Variants in FAM117B observed in about 807,000 individuals in gnomAD.
FAM117B encodes the protein family with sequence similarity 117 member B.
A neutral mutation model predicts 52.8 loss-of-function variants in FAM117B; 22 were observed. The ratio of observed to expected loss-of-function variants is 0.42; its 90% CI spans 0.30 to 0.59. The LOEUF (loss-of-function observed/expected upper bound fraction) is 0.59. Among genes scored for constraint, FAM117B ranks in the 20% least tolerant of loss-of-function variants. The pLI is 0.22. For synonymous variants in FAM117B, 309 were observed against 324.1 expected, an observed-to-expected ratio of 0.95 and a Z score of 0.50; for missense variants, 678 against 802.6, an observed-to-expected ratio of 0.84 and a Z score of 1.88.
chr2:202,673,330 C>T (rs1690325926), intron 1 of FAM117B, among the ~76,000 whole-genome samples: 1 of 150,878 alleles, frequency 6.6e-6, no homozygotes, highest in Non-Finnish European at 1.5e-5. Context: ...ATCCTTAATT[C>T]ACCATTAAGT....
chr2:202,713,593 C>T (rs75351497), intron 2 of FAM117B, among the ~76,000 whole-genome samples: 1 of 152,016 alleles, frequency 6.6e-6, no homozygotes, highest in Non-Finnish European at 1.5e-5. Flanking sequence ...CTTTAAGATG[C>T]ATTATTAGGT....
intron 7 of FAM117B, among the ~76,000 whole-genome samples, chr2:202,760,605 A>G (rs985414122): frequency 2.0e-5 from 3 of 151,960 alleles, no homozygotes; most frequent in Admixed American, 6.6e-5. Flanking sequence ...CAGTTTTTCT[A>G]GTGTAGAAGC....
rs1692038318 is a variant in FAM117B, at chr2:202,769,497, A to G, written c.*3733A>G. ...TTGAAGATGAGCAGAGCAGCCCTGA[A>G]CAGCATTTTGTTTATACAGTCTTGT... On this transcript the variant is annotated 3_prime_UTR_variant, in exon 8 of 8. Transcript: ENST00000392238. 1.3e-5 allele frequency: 2 copies of G among 152,652 alleles called. No homozygotes were observed. The highest frequency in any genetic ancestry group is 2.1e-4 in the South Asian group (1 of 4,818). The allele number at this position is 152,652 out of a possible 1,614,324, so 9.5% of individuals were successfully genotyped here. A position where few individuals can be genotyped will look rare whatever the true frequency, so the allele number is the denominator to read the frequency against.
chr2:202,662,688 A>G (rs1055076601), intron 1 of FAM117B, among the ~76,000 whole-genome samples: 4 of 152,090 alleles, frequency 2.6e-5, no homozygotes, highest in African/African-American at 7.2e-5. Context: ...TAAAAATACA[A>G]AAATTAGCTG....
At chr2:202,740,490 C>T (rs944042576) in intron 4 of FAM117B, among the ~76,000 whole-genome samples, 56 of 151,392 alleles carry the variant, frequency 3.7e-4, no homozygotes, top group African/African-American at 1.3e-3. Flanking sequence ...TGCATTATTA[C>T]TGTATATAGT....
At chr2:202,740,250 C>T (rs1345352185) in intron 4 of FAM117B, among the ~76,000 whole-genome samples, 1 of 138,942 alleles carries the variant, frequency 7.2e-6, no homozygotes, top group African/African-American at 2.7e-5. Flanking sequence ...ATCCCAGCTA[C>T]TCGGGAGGGT....
intron 1 of FAM117B, among the ~76,000 whole-genome samples, chr2:202,692,285 G>A (rs539656956): frequency 1.3e-5 from 2 of 152,198 alleles, no homozygotes; most frequent in African/African-American, 4.8e-5. Context: ...GCATAAATGA[G>A]CTAAGCTCAT....
intron 1 of FAM117B, among the ~76,000 whole-genome samples, chr2:202,692,328 G>T (rs1222197385): frequency 1.3e-5 from 2 of 152,098 alleles, no homozygotes; most frequent in African/African-American, 2.4e-5. Context: ...AAATATATGA[G>T]GGTGTTGTAG....
At chr2:202,703,681 T>G (rs558169488) in intron 2 of FAM117B, among the ~76,000 whole-genome samples, 91 of 152,318 alleles carry the variant, frequency 6.0e-4, no homozygotes, top group Non-Finnish European at 1.2e-3. Flanking sequence ...GTGAATAATA[T>G]TCCATTTATC....
chr2:202,652,907 G>C (rs1689978090), intron 1 of FAM117B, among the ~76,000 whole-genome samples: 1 of 152,140 alleles, frequency 6.6e-6, no homozygotes, highest in African/African-American at 2.4e-5. Flanking sequence ...GAACTTGCAA[G>C]ATTTAAGTGA....
chr2:202,740,377 A>AG (rs1691514099), intron 4 of FAM117B, among the ~76,000 whole-genome samples: 2 of 150,974 alleles, frequency 1.3e-5, no homozygotes, highest in Non-Finnish European at 2.9e-5. Flanking sequence ...AAAAAAAAAA[A>AG]AAAGTATTTA....
chr2:202,746,193 T>G (rs1691628655), intron 4 of FAM117B, among the ~76,000 whole-genome samples: 1 of 152,150 alleles, frequency 6.6e-6, no homozygotes, highest in African/African-American at 2.4e-5. Flanking sequence ...GACCATATGT[T>G]AGGCCCCAAA....
At chr2:202,677,542 T>C (rs1690398302) in intron 1 of FAM117B, among the ~76,000 whole-genome samples, 1 of 152,226 alleles carries the variant, frequency 6.6e-6, no homozygotes, top group Non-Finnish European at 1.5e-5. Context: ...CGCTAGGCTA[T>C]GAATTCTGTG....
At chr2:202,685,653 G>A (rs1052477034) in intron 1 of FAM117B, among the ~76,000 whole-genome samples, 3 of 152,166 alleles carry the variant, frequency 2.0e-5, no homozygotes, top group Admixed American at 6.5e-5. Flanking sequence ...CACACTTCTC[G>A]ATAAAGGTTC....
chr2:202,699,442 A>G (rs1261362002), intron 2 of FAM117B, among the ~76,000 whole-genome samples: 28 of 129,190 alleles, frequency 2.2e-4, no homozygotes, highest in Non-Finnish European at 3.4e-4. Flanking sequence ...AAAAAAAAAA[A>G]AAAAAAGAAA....
At chr2:202,735,344 A>G (rs1691423031) in intron 4 of FAM117B, among the ~76,000 whole-genome samples, 1 of 152,208 alleles carries the variant, frequency 6.6e-6, no homozygotes. Flanking sequence ...GATATGCAGA[A>G]GATGATTTTT....
chr2:202,636,808 C>T (rs1394652918), intron 1 of FAM117B, among the ~76,000 whole-genome samples: 3 of 152,008 alleles, frequency 2.0e-5, no homozygotes, highest in Admixed American at 6.6e-5. Context: ...AAATAGTTTC[C>T]GAAATGGAAG....
intron 1 of FAM117B, among the ~76,000 whole-genome samples, chr2:202,690,271 A>G (rs1690601018): frequency 6.6e-6 from 1 of 152,246 alleles, no homozygotes; most frequent in Non-Finnish European, 1.5e-5. Flanking sequence ...ATGTGAATTT[A>G]TTGCATACAC....
chr2:202,674,336 TG>T (rs1690344955), intron 1 of FAM117B, among the ~76,000 whole-genome samples: 2 of 152,386 alleles, frequency 1.3e-5, no homozygotes, highest in East Asian at 3.9e-4. Context: ...TTACTGTGTC[TG>T]GGCTCCGTAC....
Sources: gnomAD v4.1 joint callset for allele counts (sites outside exome capture counted in the v4.1 genomes callset) on GRCh38, gnomAD v4.1.1 for gene constraint, MANE v1.5 for transcripts, NCBI Gene and HGNC (gene_info 2026-07-23, HGNC 2026-07-21) for gene names.